HARS2: variants seen among roughly 807,000 people sequenced by gnomAD.
The protein encoded by HARS2 is histidyl-tRNA synthetase 2, mitochondrial.
HARS2 carries 40 observed loss-of-function variants against 62.4 expected under a neutral mutation model. The ratio of observed to expected loss-of-function variants is 0.64; its 90% confidence interval spans 0.50 to 0.83. HARS2 has a LOEUF of 0.83. Among genes scored for constraint, HARS2 ranks in the 40% least tolerant of loss-of-function variants. The pLI is 0.00. For synonymous variants in HARS2, 228 were observed against 227.0 expected (o/e 1.00, Z -0.04); for missense variants, 569 against 626.4 (o/e 0.91, Z 0.98).
In HARS2 at chr5:140,698,230, G is replaced by A. The variant is rs557283644; in HGVS notation, c.1461+152G>A. The A allele has an allele frequency of 5.7e-5, 49 of 861,124 alleles. 1 individual carries two copies. In the South Asian group the frequency reaches 7.2e-4, roughly 13 times the overall value. The allele number at this position is 861,124 out of a possible 1,614,324, so 53.3% of individuals were successfully genotyped here. ...TCACTCAAGATGACCATTGCTGCCT[G>A]TGAGTATTGACTGGGTGGCCAGAAG... On this transcript the variant is annotated intron_variant, in intron 12 of 12. Coordinates refer to ENST00000230771, the MANE Select transcript of HARS2 (RefSeq NM_012208.4).
At position 140,691,629 on chromosome 5, in the gene HARS2, A is replaced by G. The variant is rs925268369; in HGVS notation, c.-20A>G. 10 of 1,504,110 alleles carry G rather than the reference A, an allele frequency of 6.6e-6. No individual in the cohort carries two copies. Among genetic ancestry groups the G allele is most frequent in the Non-Finnish European group, 9.1e-6 (10 of 1,104,706 alleles). 93.2% of individuals were successfully genotyped at this position (1,504,110 alleles called of 1,614,324 possible). The stretch of plus-strand genomic sequence containing the variant: ...CAGGCCTTTTGTTCCTGTCCCGGAA[A>G]GCCGGCGTCCTGCCGCGCGATGCCC... On this transcript the variant is annotated 5_prime_UTR_variant, in exon 1 of 13. Transcript: ENST00000230771.
chr5:140,691,882 A>G (rs1759505601), intron 1 of HARS2, 126 bp downstream of exon 1: 1 of 712,166 alleles, frequency 1.4e-6, no homozygotes, highest in Non-Finnish European at 2.5e-6. Context: ...ATGTACTGAC[A>G]CTGAACTAAG....
Position 140,697,153 on chromosome 5 carries a change from T to G in HARS2, c.955-11T>G, listed in dbSNP as rs1271022241. ...TCTAGTTTGGGACTGACTGTAATCT[T>G]GTCCCCACAGATCTCCTTTGACCTC... On this transcript the variant is annotated splice_polypyrimidine_tract_variant and intron_variant, in intron 9 of 12. Coordinates refer to ENST00000230771, the MANE Select transcript of HARS2 (RefSeq NM_012208.4). 1 of 1,614,240 alleles carries G rather than the reference T, an allele frequency of 6.2e-7. No homozygotes were observed. The highest frequency in any genetic ancestry group is 1.7e-5 in the Admixed American group (1 of 60,022).
Position 140,695,859 on chromosome 5 carries a change from T to C in HARS2, c.633+14T>C. ...TTTCTCATTAAGGTGAGGCCAGGGCTGAGAACTGTGGGAGAAGTCTGGATT... is the reference window on the plus strand; with the variant it reads ...TTTCTCATTAAGGTGAGGCCAGGGCCGAGAACTGTGGGAGAAGTCTGGATT... On this transcript the variant is annotated intron_variant, in intron 6 of 12. Coordinates refer to ENST00000230771, the MANE Select transcript of HARS2 (RefSeq NM_012208.4). The C allele has an allele frequency of 6.4e-7, 1 of 1,559,646 alleles. No homozygotes were observed. Among genetic ancestry groups the C allele is most frequent in the African/African-American group, 1.4e-5 (1 of 74,010 alleles).
chr5:140,696,564 G>T lies in HARS2; in HGVS notation c.776G>T (p.Gly259Val), dbSNP rs779525996. 2.5e-6 allele frequency: 4 copies of T among 1,613,992 alleles called. No homozygotes were observed. Among genetic ancestry groups the T allele is most frequent in the Non-Finnish European group, 3.4e-6 (4 of 1,179,862 alleles). The change falls in exon 8 of 13, where the codon GGC becomes GTC. Residue 259 changes from glycine (G) to valine (V), a missense_variant. By Grantham distance (109) the Gly-to-Val change is moderately radical. Coordinates refer to ENST00000230771, the MANE Select transcript of HARS2 (RefSeq NM_012208.4). ...AGACATGAGATGGTGGTGAAGAAAG[G>T]CCTGGCTCCTGAGGTGGCTGATCGA... ...DVRHEMVVKK[G>V]LAPEVADRIG...
At chr5:140,697,763 G>T in intron 11 of HARS2, 78 bp downstream of exon 11, 1 of 1,300,982 alleles carries the variant, frequency 7.7e-7, no homozygotes, top group Admixed American at 1.7e-5. Context: ...CTTATGTCTG[G>T]GGTGGAACTC....
chr5:140,698,853 G>T lies in HARS2; in HGVS notation c.*301G>T. The T allele has an allele frequency of 2.2e-6, 1 of 444,692 alleles. No individual in the cohort carries two copies. The highest frequency in any genetic ancestry group is 2.1e-5 in the South Asian group (1 of 47,356). 27.5% of individuals were successfully genotyped at this position (444,692 alleles called of 1,614,324 possible). A position where few individuals can be genotyped will look rare whatever the true frequency, so the allele number is the denominator to read the frequency against. On this transcript the variant is annotated 3_prime_UTR_variant, in exon 13 of 13. Coordinates refer to ENST00000230771, the MANE Select transcript of HARS2 (RefSeq NM_012208.4). ...AGAGGTAGTGAGATTGTTGCTGTGA[G>T]CAAGGCTCTGGGAGAGTCACCTCAG...
intron 4 of HARS2, among the ~76,000 whole-genome samples, chr5:140,694,691 C>T (rs931573943): frequency 6.6e-6 from 1 of 152,078 alleles, no homozygotes; most frequent in Non-Finnish European, 1.5e-5. Context: ...TATAGTGAAA[C>T]CCCATCTCTA....
Position 140,693,660 on chromosome 5 carries a change from C to A in HARS2, c.178C>A (p.Pro60Thr). Residue 60 changes from proline (P) to threonine (T), a missense_variant, in exon 2 of 13, where the codon CCA becomes ACA. By Grantham distance (38) the Pro-to-Thr change is conservative (BLOSUM62 -1). Transcript: ENST00000230771. ...GAAACCAAATTTTATTATCAAGACC[C>A]CAAAGGTAATACTTTTTGCCTACCC... ...QEKPNFIIKT[P>T]KGTRDLSPQH... is the part of the protein sequence containing the mutation. 6.2e-7 allele frequency: 1 copy of A among 1,613,214 alleles called. No individual in the cohort carries two copies. Among genetic ancestry groups the A allele is most frequent in the South Asian group, 1.1e-5 (1 of 91,058 alleles).
rs1476563424 is a variant in HARS2 at position 140,693,934 on chromosome 5, G to C, written c.184-1G>C. On this transcript the variant is annotated splice_acceptor_variant, in intron 2 of 12. Coordinates refer to ENST00000230771, the MANE Select transcript of HARS2 (RefSeq NM_012208.4). LOFTEE classifies it high-confidence loss of function. ...TCACTATGGCTGCTTTTGGTTTCCA[G>C]GGTACCAGGGATCTTAGTCCTCAGC... The C allele has an allele frequency of 6.2e-7, 1 of 1,614,066 alleles. No individual in the cohort carries two copies. The highest frequency in any genetic ancestry group is 2.2e-5 in the East Asian group (1 of 44,880).
chr5:140,691,735 G>A lies in HARS2; in HGVS notation c.87G>A (p.Gly29=), dbSNP rs1011845979. The change falls in exon 1 of 13, where the codon GGG becomes GGA. Residue 29 remains glycine, a synonymous_variant. Transcript: ENST00000230771. The stretch of plus-strand genomic sequence containing the variant: ...GACCGCCCTGCGCTTCGTGCACCGG[G>A]GCGGTCCGTTGCCAAAGCCAGGTGA... ...LLRPPCASCT[G]AVRCQSQVAE... 2.6e-6 allele frequency: 4 copies of A among 1,551,808 alleles called. No individual in the cohort carries two copies. Among genetic ancestry groups the A allele is most frequent in the East Asian group, 2.4e-5 (1 of 41,082 alleles).
chr5:140,697,127 G>A, intron 9 of HARS2, 37 bp from the exon 10 acceptor site: 1 of 1,614,206 alleles, frequency 6.2e-7, no homozygotes, highest in South Asian at 1.1e-5. Flanking sequence ...AGGGTCCCGA[G>A]TCTAGTTTGG....
At position 140,695,279 on chromosome 5, in the gene HARS2, C is replaced by T. The variant is rs140113517; in HGVS notation, c.400-229C>T. 1.2e-3 allele frequency among the ~76,000 whole-genome samples: 188 copies of T among 152,270 alleles called. 1 individual carries two copies. Among genetic ancestry groups the T allele is most frequent in the African/African-American group, 4.4e-3 (182 of 41,562 alleles). Reference sequence around the variant, plus strand: ...CTTGGGTCACTTCTATCTCTACTTGCCTTGCTTTCTGCTGAACTTTTAGTT... The same window carrying T: ...CTTGGGTCACTTCTATCTCTACTTGTCTTGCTTTCTGCTGAACTTTTAGTT... On this transcript the variant is annotated intron_variant, in intron 4 of 12. Coordinates refer to ENST00000230771, the MANE Select transcript of HARS2 (RefSeq NM_012208.4).
In HARS2 at chr5:140,695,583, C is replaced by T. The variant is rs376181876; in HGVS notation, c.475C>T (p.Arg159Ter). Residue 159 changes from arginine (R) to a stop codon, truncating the protein, a stop_gained, in exon 5 of 13, where the codon CGA becomes TGA. Transcript: ENST00000230771. LOFTEE classifies it high-confidence loss of function. ...KRYHVGKVWR[R>*]ESPTIVQGRY... ...TTATCATGTTGGAAAGGTGTGGCGG[C>T]GAGAGAGCCCAACCATAGTCCAAGG... The T allele has an allele frequency of 1.1e-5, 17 of 1,614,004 alleles. No homozygotes were observed. Among genetic ancestry groups the T allele is most frequent in the East Asian group, 2.2e-5 (1 of 44,892 alleles).
intron 1 of HARS2, 60 bp downstream of exon 1, chr5:140,691,816 A>C: frequency 8.6e-7 from 1 of 1,167,344 alleles, no homozygotes; most frequent in Non-Finnish European, 1.3e-6. Context: ...CTGAACGCAT[A>C]GCCTCGCGGC....
In HARS2 at chr5:140,697,175, C is replaced by A; in HGVS notation, c.966C>A (p.Asp322Glu). Residue 322 changes from aspartate to glutamate, a missense_variant, in exon 10 of 13, where the codon GAC (aspartate) becomes GAA (glutamate). Transcript: ENST00000230771. Reference protein sequence around the residue: ...LFGIADKISFDLSLARGLDYY... With the variant: ...LFGIADKISFELSLARGLDYY... Reference sequence around the variant, plus strand: ...TCTTGTCCCCACAGATCTCCTTTGACCTCAGCCTGGCTCGGGGCCTAGACT... The same window carrying A: ...TCTTGTCCCCACAGATCTCCTTTGAACTCAGCCTGGCTCGGGGCCTAGACT... 6.2e-7 allele frequency: 1 copy of A among 1,614,196 alleles called. No individual in the cohort carries two copies. The highest frequency in any genetic ancestry group is 8.5e-7 in the Non-Finnish European group (1 of 1,180,032).
At position 140,696,143 on chromosome 5, in the gene HARS2, G is replaced by C. The variant is rs373594946; in HGVS notation, c.674G>C (p.Cys225Ser). The C allele has an allele frequency of 1.9e-6, 3 of 1,613,900 alleles. No homozygotes were observed. The African/African-American group carries it at 4.0e-5, about 22-fold the overall frequency. The stretch of plus-strand genomic sequence containing the variant: ...ATTGTGGATGGGATGTTTGCTGTCT[G>C]TGGTGTTCCTGAAAGCAAGTTCCGT... Reference protein sequence around the residue: ...RRIVDGMFAVCGVPESKFRAI... With the variant: ...RRIVDGMFAVSGVPESKFRAI... The change falls in exon 7 of 13, where the codon TGT (cysteine) becomes TCT (serine). Residue 225 changes from cysteine to serine, a missense_variant. Transcript: ENST00000230771.
chr5:140,697,942 T>A lies in HARS2; in HGVS notation c.1325T>A (p.Leu442Gln), dbSNP rs1759822183. The change falls in exon 12 of 13, where the codon CTA (leucine) becomes CAA (glutamine). Residue 442 changes from leucine (L) to glutamine (Q), a missense_variant. Physicochemically the swap from Leu to Gln is moderately radical, Grantham distance 113 (BLOSUM62 -2). Coordinates refer to ENST00000230771, the MANE Select transcript of HARS2 (RefSeq NM_012208.4). ...LWDSGIKAEM[L>Q]YKNNPKLLTQ... ...CTTGATCCTTTTCAGGCAGAGATGC[T>A]ATACAAGAACAACCCCAAACTATTA... 1.9e-6 allele frequency: 3 copies of A among 1,613,932 alleles called. No individual in the cohort carries two copies. Among genetic ancestry groups the A allele is most frequent in the Middle Eastern group, 1.7e-4 (1 of 6,058 alleles).
intron 1 of HARS2, 42 bp from the exon 2 acceptor site, chr5:140,693,549 A>G (rs760188046): frequency 9.9e-6 from 16 of 1,614,058 alleles, no homozygotes; most frequent in East Asian, 2.2e-5. Context: ...AGGTCTGGCC[A>G]GTGTCCAGAG....
Sources: allele counts gnomAD v4.1 joint callset (sites outside exome capture counted in the v4.1 genomes callset), GRCh38; gene constraint gnomAD v4.1.1; transcripts MANE v1.5; gene names NCBI Gene and HGNC (gene_info 2026-07-23, HGNC 2026-07-21).